Variants in DPYSL2 observed in about 807,000 individuals in gnomAD.
The protein encoded by DPYSL2 is dihydropyrimidinase-related protein 2.
DPYSL2 carries 13 observed loss-of-function variants against 69.9 expected under a neutral mutation model. The observed-to-expected ratio is 0.19, with a 90% CI of 0.12 to 0.30. DPYSL2 has a LOEUF of 0.30. DPYSL2 is among the 10% of genes least tolerant of loss of function. The pLI is 1.00. For missense variants in DPYSL2, 587 were observed against 918.9 expected (o/e 0.64, Z 4.67); for synonymous variants, 326 against 359.1 (o/e 0.91, Z 1.04).
chr8:26,647,884 A>G lies in DPYSL2; in HGVS notation c.1596+84A>G. 2 of 1,471,250 alleles carry G rather than the reference A, an allele frequency of 1.4e-6. No homozygotes were observed. Among genetic ancestry groups the G allele is most frequent in the Non-Finnish European group, 1.8e-6 (2 of 1,103,458 alleles). 91.1% of individuals were successfully genotyped at this position (1,471,250 alleles called of 1,614,324 possible). ...ACGGAGGGAGAGCCCCAGGGTTTCT[A>G]AAAAGAACTTGCTGTGATGGGAATG... On this transcript the variant is annotated intron_variant, in intron 11 of 13. Transcript: ENST00000521913. This position sits in a 1 kb window ranked among gnomAD's most constrained non-coding sequence, Gnocchi z 5.1.
rs1259379280 is a variant in DPYSL2 at position 26,614,809 on chromosome 8, G to A, written c.629-9334G>A. On this transcript the variant is annotated intron_variant, in intron 3 of 13. Coordinates refer to ENST00000521913, the MANE Select transcript of DPYSL2 (RefSeq NM_001197293.3). This position sits in a 1 kb window ranked among gnomAD's most constrained non-coding sequence, Gnocchi z 4.9. ...TGAAGGTCCGAGCAGTGAAGAACAT[G>A]TTTCCATATGCCTGCCACCCTTAGG... 1.3e-5 allele frequency among the ~76,000 whole-genome samples: 2 copies of A among 152,246 alleles called. No homozygotes were observed.
intron 1 of DPYSL2, among the ~76,000 whole-genome samples, chr8:26,535,682 G>A (rs1757401509): frequency 6.6e-6 from 1 of 150,420 alleles, no homozygotes; most frequent in Admixed American, 6.6e-5. Context: ...TTATGAACTG[G>A]GATGCAAACT....
chr8:26,541,331 T>G (rs569062632), intron 1 of DPYSL2, among the ~76,000 whole-genome samples: 12 of 152,338 alleles, frequency 7.9e-5, no homozygotes, highest in East Asian at 1.9e-4. Context: ...GATGGAGAGA[T>G]AGTTTTTCTC....
intron 7 of DPYSL2, among the ~76,000 whole-genome samples, chr8:26,632,185 A>AGACATCT (rs1455293645): frequency 1.3e-5 from 2 of 152,206 alleles, no homozygotes; most frequent in African/African-American, 2.4e-5. Flanking sequence ...TAGGGAGTGC[A>AGACATCT]GACATCTGGA....
At position 26,640,361 on chromosome 8, in the gene DPYSL2, A is replaced by G. The variant is rs769545535; in HGVS notation, c.1127-3078A>G. ...ACTTTACCTGGAGAAGAAAATCACA[A>G]AGGTCTAACGGGCACCCAGATAGCA... On this transcript the variant is annotated intron_variant, in intron 8 of 13. Transcript: ENST00000521913. This position sits in a 1 kb window ranked among gnomAD's most constrained non-coding sequence, Gnocchi z 4.2. Among the ~76,000 whole-genome samples, 5 of 152,210 alleles carry G rather than the reference A, an allele frequency of 3.3e-5. No individual in the cohort carries two copies. The highest frequency in any genetic ancestry group is 3.9e-4 in the East Asian group (2 of 5,192).
chr8:26,528,474 C>A (rs1201895994), intron 1 of DPYSL2, among the ~76,000 whole-genome samples: 2 of 151,852 alleles, frequency 1.3e-5, no homozygotes. Flanking sequence ...TGGTGAAACC[C>A]CATCTCTACT....
At chr8:26,623,998 A>G (rs1802558941) in intron 3 of DPYSL2, 145 bp from the exon 4 acceptor site, 2 of 822,666 alleles carry the variant, frequency 2.4e-6, no homozygotes, top group Non-Finnish European at 3.8e-6. Context: ...GCTGGGTTAC[A>G]TGGATTCTTA....
Position 26,582,165 on chromosome 8 carries a change from G to T in DPYSL2, c.443+108G>T. 2 of 822,822 alleles carry T rather than the reference G, an allele frequency of 2.4e-6. No homozygotes were observed. The highest frequency in any genetic ancestry group is 3.2e-5 in the South Asian group (2 of 61,770). The allele number at this position is 822,822 out of a possible 1,614,324, so 51.0% of individuals were successfully genotyped here. ...TCAAACTTCAGGAACATCAGAGAGTGACCAACTTAGTATCTGTTTTAAACT... is the reference window on the plus strand; with the variant it reads ...TCAAACTTCAGGAACATCAGAGAGTTACCAACTTAGTATCTGTTTTAAACT... On this transcript the variant is annotated intron_variant, in intron 2 of 13. Coordinates refer to ENST00000521913, the MANE Select transcript of DPYSL2 (RefSeq NM_001197293.3). This position sits in a 1 kb window ranked among gnomAD's most constrained non-coding sequence, Gnocchi z 4.1.
At position 26,647,822 on chromosome 8, in the gene DPYSL2, G is replaced by T; in HGVS notation, c.1596+22G>T. On this transcript the variant is annotated intron_variant, in intron 11 of 13. Coordinates refer to ENST00000521913, the MANE Select transcript of DPYSL2 (RefSeq NM_001197293.3). This position sits in a 1 kb window ranked among gnomAD's most constrained non-coding sequence, Gnocchi z 5.1. ...CAGCGTAAGACCTGTTAACTGTGCA[G>T]ACCCCATCCAAACGAATTACAGTCA... 6.3e-7 allele frequency: 1 copy of T among 1,585,826 alleles called. No individual in the cohort carries two copies. The highest frequency in any genetic ancestry group is 1.1e-5 in the South Asian group (1 of 87,748).
rs1803111388 is a variant in DPYSL2 at position 26,644,120 on chromosome 8, G to A, written c.1425+29G>A. On this transcript the variant is annotated intron_variant, in intron 10 of 13. Transcript: ENST00000521913. This position sits in a 1 kb window ranked among gnomAD's most constrained non-coding sequence, Gnocchi z 4.5. ...AGGAGCGATGGCCTCACTCCTTGGTGGCTCTCAGCCTTCCTTGTCCTCCTC... is the reference window on the plus strand; with the variant it reads ...AGGAGCGATGGCCTCACTCCTTGGTAGCTCTCAGCCTTCCTTGTCCTCCTC... The A allele has an allele frequency of 1.9e-6, 3 of 1,609,882 alleles. No individual in the cohort carries two copies. The highest frequency in any genetic ancestry group is 2.2e-5 in the South Asian group (2 of 90,374).
At chr8:26,581,922 C>T in intron 1 of DPYSL2, 47 bp from the exon 2 acceptor site, 1 of 1,390,944 alleles carries the variant, frequency 7.2e-7, no homozygotes, top group Non-Finnish European at 1.0e-6. Context: ...GCACCTGTTT[C>T]TCATAGGTCA....
intron 1 of DPYSL2, among the ~76,000 whole-genome samples, chr8:26,553,182 C>G (rs1213069443): frequency 6.6e-6 from 1 of 152,142 alleles, no homozygotes; most frequent in Non-Finnish European, 1.5e-5. Flanking sequence ...ACCGAAAGCA[C>G]CAGGCCCAGA....
At chr8:26,638,607 T>C (rs1802970732) in intron 8 of DPYSL2, among the ~76,000 whole-genome samples, 1 of 152,204 alleles carries the variant, frequency 6.6e-6, no homozygotes, top group South Asian at 2.1e-4. Flanking sequence ...CAGGATGGCG[T>C]GTTCAGCCGG....
Position 26,626,773 on chromosome 8 carries a change from C to T in DPYSL2, c.855+95C>T, listed in dbSNP as rs558786781. On this transcript the variant is annotated intron_variant, in intron 5 of 13. Transcript: ENST00000521913. The surrounding 1 kb of genome is among the most constrained non-coding windows in gnomAD (Gnocchi z 4.3). The stretch of plus-strand genomic sequence containing the variant: ...AGCAGTCTCCGATGTATGCATGTTT[C>T]CTAGCTTCCTGGGAAGTGGCTGGTG... The T allele has an allele frequency of 7.6e-7, 1 of 1,310,302 alleles. No individual in the cohort carries two copies. Among genetic ancestry groups the T allele is most frequent in the Non-Finnish European group, 1.1e-6 (1 of 924,148 alleles). The allele number at this position is 1,310,302 out of a possible 1,614,324, so 81.2% of individuals were successfully genotyped here.
intron 7 of DPYSL2, 89 bp downstream of exon 7, chr8:26,628,029 G>C: frequency 7.4e-7 from 1 of 1,353,502 alleles, no homozygotes; most frequent in Non-Finnish European, 1.0e-6. Flanking sequence ...CTGTTGAGAA[G>C]GGGGCTTCTC....
chr8:26,615,312 T>C (rs1220864189), intron 3 of DPYSL2, among the ~76,000 whole-genome samples: 3 of 152,198 alleles, frequency 2.0e-5, no homozygotes, highest in Non-Finnish European at 4.4e-5. Context: ...CTCTCACCTT[T>C]CAATGTTTGT....
In DPYSL2 at chr8:26,610,867, A is replaced by T. The variant is rs954625764; in HGVS notation, c.629-13276A>T. 1.3e-5 allele frequency among the ~76,000 whole-genome samples: 2 copies of T among 152,218 alleles called. No homozygotes were observed. Reference sequence around the variant, plus strand: ...AGCTGTTCGTAGATACTATTTCAGAACAATGCTGTGAGTAGATACTATTAT... The same window carrying T: ...AGCTGTTCGTAGATACTATTTCAGATCAATGCTGTGAGTAGATACTATTAT... On this transcript the variant is annotated intron_variant, in intron 3 of 13. Coordinates refer to ENST00000521913, the MANE Select transcript of DPYSL2 (RefSeq NM_001197293.3). The surrounding 1 kb of genome is among the most constrained non-coding windows in gnomAD (Gnocchi z 4.5).
In DPYSL2 at chr8:26,642,131, T is replaced by G. The variant is rs1803064735; in HGVS notation, c.1127-1308T>G. On this transcript the variant is annotated intron_variant, in intron 8 of 13. Coordinates refer to ENST00000521913, the MANE Select transcript of DPYSL2 (RefSeq NM_001197293.3). This position sits in a 1 kb window ranked among gnomAD's most constrained non-coding sequence, Gnocchi z 5.3. ...ACCTGGGATCAAATTCCAGCTTGGA[T>G]GCCTTTAATTAATAACATATTAGAC... is the stretch of plus-strand genomic sequence containing the variant. Among the ~76,000 whole-genome samples the G allele has an allele frequency of 6.6e-6, 1 of 152,230 alleles. No homozygotes were observed. The highest frequency in any genetic ancestry group is 1.5e-5 in the Non-Finnish European group (1 of 68,032).
rs528421577 is a variant in DPYSL2, at chr8:26,564,657, G to A, written c.355-17312G>A. Among the ~76,000 whole-genome samples the A allele has an allele frequency of 6.6e-6, 1 of 152,296 alleles. No homozygotes were observed. The highest frequency in any genetic ancestry group is 1.9e-4 in the East Asian group (1 of 5,182). On this transcript the variant is annotated intron_variant, in intron 1 of 13. Coordinates refer to ENST00000521913, the MANE Select transcript of DPYSL2 (RefSeq NM_001197293.3). The surrounding 1 kb of genome is among the most constrained non-coding windows in gnomAD (Gnocchi z 4.8). ...TGACCCAGGAAGCATGGCAAAGGTG[G>A]TGACAGCTGCTGAGAGGTGTGAGAG...
Sources: allele counts gnomAD v4.1 joint callset (sites outside exome capture counted in the v4.1 genomes callset), GRCh38; gene constraint gnomAD v4.1.1; non-coding constraint Gnocchi (gnomAD v3.1); transcripts MANE v1.5; gene names NCBI Gene and HGNC (gene_info 2026-07-23, HGNC 2026-07-21).